The following SREK1IP1 variants were observed in gnomAD, a reference collection of about 807,000 sequenced individuals.
SREK1IP1 encodes the protein SREK1 interacting protein 1.
In SREK1IP1, 12 loss-of-function variants were observed where a neutral mutation model predicts 22.8. That is an observed-to-expected ratio of 0.53 (90% CI 0.34 to 0.85). The LOEUF is 0.85. SREK1IP1 is among the 40% of genes least tolerant of loss of function. SREK1IP1 has a pLI of 0.02. For missense variants in SREK1IP1, 147 were observed against 171.8 expected (o/e 0.86, Z 0.81); for synonymous variants, 53 against 52.7 (o/e 1.01, Z -0.02).
intron 1 of SREK1IP1, among the ~76,000 whole-genome samples, chr5:64,767,276 T>C (rs1426023755): frequency 4.6e-5 from 7 of 152,228 alleles, no homozygotes; most frequent in Admixed American, 4.6e-4. Context: ...TTGGTGCCCT[T>C]ACTTTGTGCT....
intron 3 of SREK1IP1, among the ~76,000 whole-genome samples, chr5:64,730,053 C>T (rs778015161): frequency 1.8e-4 from 27 of 151,774 alleles, no homozygotes; most frequent in Admixed American, 6.6e-5. Context: ...GGAGTAAAGC[C>T]CAGGAAGATT....
intron 3 of SREK1IP1, among the ~76,000 whole-genome samples, chr5:64,728,984 A>G (rs2112087511): frequency 6.6e-6 from 1 of 152,252 alleles, no homozygotes. Flanking sequence ...TGAGGTCAGA[A>G]ATTCGAGACT....
intron 3 of SREK1IP1, among the ~76,000 whole-genome samples, chr5:64,737,507 C>CAAAAAAAAAA (rs34983078): frequency 1.1e-5 from 1 of 95,062 alleles, no homozygotes; most frequent in Non-Finnish European, 2.4e-5. Context: ...TTCATACTGT[C>CAAAAAAAAAA]AAAAAAAAAA....
chr5:64,733,529 C>T (rs1396584837), intron 3 of SREK1IP1, among the ~76,000 whole-genome samples: 1 of 152,066 alleles, frequency 6.6e-6, no homozygotes, highest in East Asian at 1.9e-4. Flanking sequence ...GGTGACAACA[C>T]CAAATGCTAG....
rs10075967 is a variant in SREK1IP1 at position 64,724,014 on chromosome 5, C to T, written c.*370G>A. 100,290 of 160,750 alleles carry T rather than the reference C, an allele frequency of 0.62. 33,428 individuals are homozygous for T. The highest frequency in any genetic ancestry group is 0.88 in the African/African-American group (37,008 of 41,924). The allele number at this position is 160,750 out of a possible 1,614,324, so 10.0% of individuals were successfully genotyped here. On this transcript the variant is annotated 3_prime_UTR_variant, in exon 5 of 5. Coordinates refer to ENST00000513458, the MANE Select transcript of SREK1IP1 (RefSeq NM_173829.4). ...CATCATTGGAAGGTGGACACCTGAT[C>T]CAGCAATACTCATTAACTGCTAGGT...
intron 1 of SREK1IP1, chr5:64,754,887 C>G (rs141317225): frequency 6.6e-6 from 1 of 152,188 alleles, no homozygotes; most frequent in African/African-American, 2.4e-5. Flanking sequence ...TTGACAAATA[C>G]ATCAATAACA....
In SREK1IP1 at chr5:64,723,661, T is replaced by C. The variant is rs1370569019; in HGVS notation, c.*723A>G. 6.6e-6 allele frequency: 1 copy of C among 152,606 alleles called. No homozygotes were observed. The highest frequency in any genetic ancestry group is 2.4e-5 in the African/African-American group (1 of 41,444). 9.5% of individuals were successfully genotyped at this position (152,606 alleles called of 1,614,324 possible). A position where few individuals can be genotyped will look rare whatever the true frequency, so the allele number is the denominator to read the frequency against. On this transcript the variant is annotated 3_prime_UTR_variant, in exon 5 of 5. Coordinates refer to ENST00000513458, the MANE Select transcript of SREK1IP1 (RefSeq NM_173829.4). ...CAACTCAGCATCATCTCTGCAGACT[T>C]ACTAACAGGCTGAACTAATCTCTTT...
chr5:64,749,185 CTT>C (rs755211043), intron 2 of SREK1IP1, among the ~76,000 whole-genome samples: 39 of 151,500 alleles, frequency 2.6e-4, no homozygotes, highest in Admixed American at 8.5e-4. Context: ...CAAAAACCCT[CTT>C]GTTTTATAAA....
chr5:64,734,336 T>C (rs972474243), intron 3 of SREK1IP1, among the ~76,000 whole-genome samples: 5 of 152,120 alleles, frequency 3.3e-5, no homozygotes, highest in African/African-American at 1.2e-4. Flanking sequence ...ATTTTACTAA[T>C]CCTTTTGAAA....
chr5:64,754,505 C>T, intron 1 of SREK1IP1, 143 bp from the exon 2 acceptor site: 1 of 720,630 alleles, frequency 1.4e-6, no homozygotes. Context: ...CACTCTGTCA[C>T]CAAGGCTAGA....
chr5:64,733,357 C>A (rs542478948), intron 3 of SREK1IP1, among the ~76,000 whole-genome samples: 1 of 152,224 alleles, frequency 6.6e-6, no homozygotes, highest in East Asian at 1.9e-4. Flanking sequence ...AAAATATACA[C>A]ATGTACCCAC....
chr5:64,767,054 GTACT>G (rs1288803095), intron 1 of SREK1IP1, among the ~76,000 whole-genome samples: 1 of 152,082 alleles, frequency 6.6e-6, no homozygotes, highest in African/African-American at 2.4e-5. Flanking sequence ...TACTACCTCT[GTACT>G]TAATTTCTCA....
intron 3 of SREK1IP1, among the ~76,000 whole-genome samples, chr5:64,729,555 A>G (rs7730191): frequency 0.067 from 10,148 of 152,252 alleles, 1,105 homozygotes; most frequent in African/African-American, 0.23. Flanking sequence ...ATTCAAGACC[A>G]TGAAGGCAAC....
chr5:64,737,809 A>G (rs534808377), intron 3 of SREK1IP1, among the ~76,000 whole-genome samples: 46 of 152,272 alleles, frequency 3.0e-4, no homozygotes, highest in African/African-American at 1.1e-3. Context: ...AGGAACATTT[A>G]TATGTCAACA....
chr5:64,727,112 TA>T (rs1487747428), intron 4 of SREK1IP1, among the ~76,000 whole-genome samples: 2 of 152,196 alleles, frequency 1.3e-5, no homozygotes, highest in African/African-American at 4.8e-5. Context: ...TTCCAATTTA[TA>T]AGATACCTGA....
At chr5:64,726,392 G>A (rs143748032) in intron 4 of SREK1IP1, among the ~76,000 whole-genome samples, 25,421 of 151,652 alleles carry the variant, frequency 0.17, 2,588 homozygotes, top group Non-Finnish European at 0.23. Context: ...TGGCTAACAC[G>A]GTGAAACCCT....
In SREK1IP1 at chr5:64,719,731, C is replaced by T. The variant is rs1742124329; in HGVS notation, c.*4653G>A. 6.6e-6 allele frequency: 1 copy of T among 152,186 alleles called. No homozygotes were observed. The highest frequency in any genetic ancestry group is 6.6e-5 in the Admixed American group (1 of 15,266). The allele number at this position is 152,186 out of a possible 1,614,324, so 9.4% of individuals were successfully genotyped here. ...ATTTGTGGGAAAGGCATAGTGGGGTCAGGCATGACTGGATGCATCATGGGT... is the reference window on the plus strand; with the variant it reads ...ATTTGTGGGAAAGGCATAGTGGGGTTAGGCATGACTGGATGCATCATGGGT... On this transcript the variant is annotated 3_prime_UTR_variant, in exon 5 of 5. Coordinates refer to ENST00000513458, the MANE Select transcript of SREK1IP1 (RefSeq NM_173829.4).
At position 64,767,762 on chromosome 5, in the gene SREK1IP1, T is replaced by A. The variant is rs1034902891; in HGVS notation, c.13+743A>T. 9.9e-5 allele frequency among the ~76,000 whole-genome samples: 15 copies of A among 152,072 alleles called. 1 individual carries two copies. The highest frequency in any genetic ancestry group is 1.2e-4 in the Non-Finnish European group (8 of 68,018). On this transcript the variant is annotated intron_variant, in intron 1 of 4. Coordinates refer to ENST00000513458, the MANE Select transcript of SREK1IP1 (RefSeq NM_173829.4). ...CAAGTTGGGAGGTGGGGTGGAGAAG[T>A]GTGTATTTCTGAAAATGTCTCCTGC...
chr5:64,746,141 G>T (rs903213586), intron 2 of SREK1IP1, among the ~76,000 whole-genome samples: 1 of 152,196 alleles, frequency 6.6e-6, no homozygotes, highest in African/African-American at 2.4e-5. Context: ...CTTTTCAACA[G>T]ATGGTACAGA....
Sources: allele counts gnomAD v4.1 joint callset (sites outside exome capture counted in the v4.1 genomes callset), GRCh38; gene constraint gnomAD v4.1.1; transcripts MANE v1.5; gene names NCBI Gene and HGNC (gene_info 2026-07-23, HGNC 2026-07-21).